Variants in ZFYVE1 observed in about 807,000 individuals in gnomAD.
ZFYVE1 encodes the protein zinc finger FYVE domain-containing protein 1.
ZFYVE1 carries 30 observed loss-of-function variants against 74.4 expected under a neutral mutation model. The ratio of observed to expected loss-of-function variants is 0.40; its 90% CI spans 0.30 to 0.55. The LOEUF is 0.55. ZFYVE1 is among the 20% of genes least tolerant of loss of function. ZFYVE1 has a pLI of 0.42. For synonymous variants in ZFYVE1, 335 were observed against 385.1 expected, an observed-to-expected ratio of 0.87 and a Z score of 1.52; for missense variants, 703 against 1,011.6, an observed-to-expected ratio of 0.69 and a Z score of 4.14.
At chr14:73,022,397 T>A (rs1894336314) in intron 2 of ZFYVE1, among the ~76,000 whole-genome samples, 1 of 152,086 alleles carries the variant, frequency 6.6e-6, no homozygotes, top group Admixed American at 6.6e-5. Flanking sequence ...ACATAGGTAC[T>A]CCCCTCCAAA....
chr14:72,969,798 G>A lies in ZFYVE1; in HGVS notation c.*1084C>T, dbSNP rs986203784. On this transcript the variant is annotated 3_prime_UTR_variant, in exon 12 of 12. Coordinates refer to ENST00000556143, the MANE Select transcript of ZFYVE1 (RefSeq NM_021260.4). ...AAAGTTCCTTTGACTTCTCTTGCAA[G>A]GACCAAAGAGATAAATTTTTTCTTT... 6 of 682,698 alleles carry A rather than the reference G, an allele frequency of 8.8e-6. No individual in the cohort carries two copies. The highest frequency in any genetic ancestry group is 1.6e-5 in the Non-Finnish European group (6 of 380,164). 42.3% of individuals were successfully genotyped at this position (682,698 alleles called of 1,614,324 possible).
At chr14:72,994,784 G>C (rs903656442) in intron 3 of ZFYVE1, among the ~76,000 whole-genome samples, 1 of 152,086 alleles carries the variant, frequency 6.6e-6, no homozygotes, top group Non-Finnish European at 1.5e-5. Context: ...CATACTGTAA[G>C]TACCTGTCCT....
chr14:73,023,668 A>T (rs1894393401), intron 2 of ZFYVE1, among the ~76,000 whole-genome samples: 1 of 151,734 alleles, frequency 6.6e-6, no homozygotes. Flanking sequence ...AAATGTTTTA[A>T]ATCAGTTTGT....
In ZFYVE1 at chr14:73,024,038, A is replaced by G. The variant is rs377605305; in HGVS notation, c.471T>C (p.Asn157=). The G allele has an allele frequency of 6.2e-7, 1 of 1,613,708 alleles. No individual in the cohort carries two copies. Among genetic ancestry groups the G allele is most frequent in the Non-Finnish European group, 8.5e-7 (1 of 1,179,886 alleles). Residue 157 remains asparagine, a synonymous_variant, in exon 2 of 12, where the codon AAT becomes AAC. Coordinates refer to ENST00000556143, the MANE Select transcript of ZFYVE1 (RefSeq NM_021260.4). ...KVVSFLLVDE[N]EEIQVTNEED... is the part of the protein sequence containing the mutation. ...CCCGTGTGCTTACCTGAATTTCTTC[A>G]TTTTCGTCTACTAGGAGGAAACTCA... is the stretch of plus-strand genomic sequence containing the variant.
chr14:72,978,040 C>A lies in ZFYVE1; in HGVS notation c.1522G>T (p.Val508Leu). ...GLAKYAWSGYVIECPNCGVVY... is the reference protein window; with the variant it reads ...GLAKYAWSGYLIECPNCGVVY... ...ACGCCACAGTTAGGACATTCGATCA[C>A]ATACCTACAAGGAAAGCAAATCAAT... is the stretch of plus-strand genomic sequence containing the variant. The change falls in exon 8 of 12, where the codon GTG (valine) becomes TTG (leucine). Residue 508 changes from valine to leucine, a missense_variant. Physicochemically the swap from Val to Leu is conservative, Grantham distance 32. Transcript: ENST00000556143. 6.2e-7 allele frequency: 1 copy of A among 1,614,204 alleles called. No individual in the cohort carries two copies. Among genetic ancestry groups the A allele is most frequent in the Non-Finnish European group, 8.5e-7 (1 of 1,180,042 alleles).
chr14:73,021,847 TTCTTTATATGC>T (rs1894326251), intron 2 of ZFYVE1, among the ~76,000 whole-genome samples: 3 of 152,320 alleles, frequency 2.0e-5, no homozygotes, highest in Admixed American at 6.5e-5. Context: ...TTCATTACAC[TTCTTTATATGC>T]TCTTAATTCT....
At chr14:72,980,846 G>A (rs1486901236) in intron 5 of ZFYVE1, among the ~76,000 whole-genome samples, 3 of 152,242 alleles carry the variant, frequency 2.0e-5, no homozygotes, top group East Asian at 1.9e-4. Flanking sequence ...GTAAGCCACC[G>A]TGCCCGGCCG....
At chr14:73,019,985 A>C (rs1316430776) in intron 2 of ZFYVE1, among the ~76,000 whole-genome samples, 1 of 151,980 alleles carries the variant, frequency 6.6e-6, no homozygotes. Context: ...TGTCGGGCGC[A>C]GTGGCTCACA....
chr14:72,985,324 TTTTG>T (rs149436812), intron 4 of ZFYVE1, among the ~76,000 whole-genome samples: 38,439 of 151,068 alleles, frequency 0.25, 5,665 homozygotes, highest in African/African-American at 0.41. Context: ...CCCCAATAAT[TTTTG>T]TTTGTTTGTT....
In ZFYVE1 at chr14:72,975,423, T is replaced by C; in HGVS notation, c.1806+128A>G. 8.1e-7 allele frequency: 1 copy of C among 1,230,438 alleles called. No homozygotes were observed. Among genetic ancestry groups the C allele is most frequent in the South Asian group, 1.5e-5 (1 of 65,160 alleles). The allele number at this position is 1,230,438 out of a possible 1,614,324, so 76.2% of individuals were successfully genotyped here. Reference sequence around the variant, plus strand: ...CAACGACTCCTCCCCTTGCCGGTACTCACAGAGCTCACTGCACTGGCAGAA... The same window carrying C: ...CAACGACTCCTCCCCTTGCCGGTACCCACAGAGCTCACTGCACTGGCAGAA... On this transcript the variant is annotated intron_variant, in intron 9 of 11. Coordinates refer to ENST00000556143, the MANE Select transcript of ZFYVE1 (RefSeq NM_021260.4). This position sits in a 1 kb window ranked among gnomAD's most constrained non-coding sequence, Gnocchi z 4.1.
At chr14:72,989,032 GC>G (rs1893550549) in intron 4 of ZFYVE1, among the ~76,000 whole-genome samples, 1 of 147,128 alleles carries the variant, frequency 6.8e-6, no homozygotes, top group Non-Finnish European at 1.5e-5. Flanking sequence ...AGGGGTTCAA[GC>G]CATTCTGCCT....
chr14:72,995,019 G>C (rs952125060), intron 3 of ZFYVE1, among the ~76,000 whole-genome samples: 2 of 152,166 alleles, frequency 1.3e-5, no homozygotes, highest in African/African-American at 4.8e-5. Flanking sequence ...TTCAATAAAT[G>C]TATCGGTGAT....
At position 73,024,466 on chromosome 14, in the gene ZFYVE1, C is replaced by T; in HGVS notation, c.43G>A (p.Gly15Arg). The T allele has an allele frequency of 6.2e-7, 1 of 1,613,198 alleles. No individual in the cohort carries two copies. The highest frequency in any genetic ancestry group is 8.5e-7 in the Non-Finnish European group (1 of 1,179,468). Residue 15 changes from glycine (G) to arginine (R), a missense_variant, in exon 2 of 12, where the codon GGG becomes AGG. Gly to Arg is a moderately radical substitution (Grantham distance 125). This residue lies in a region of ZFYVE1 where 211 missense variants were observed against 221.7 expected (regional missense o/e 0.95). Coordinates refer to ENST00000556143, the MANE Select transcript of ZFYVE1 (RefSeq NM_021260.4). ...TSPAEKGLNP[G>R]LMCQESYACS... The stretch of plus-strand genomic sequence containing the variant: ...GCGTAACTTTCCTGGCACATCAGCC[C>T]CGGATTCAGGCCCTTCTCTGCTGGG...
In ZFYVE1 at chr14:72,998,145, A is replaced by G; in HGVS notation, c.654T>C (p.Thr218=). ...FKTSPTQESC[T]VGVWAAYDPV... is the part of the protein sequence containing the mutation. ...GGTCATAGGCTGCCCACACTCCCAC[A>G]GTGCAGGACTCCTGGGTCGGGGAGG... The change falls in exon 3 of 12, where the codon ACT becomes ACC. Residue 218 remains threonine, a synonymous_variant. Coordinates refer to ENST00000556143, the MANE Select transcript of ZFYVE1 (RefSeq NM_021260.4). The G allele has an allele frequency of 6.2e-7, 1 of 1,614,040 alleles. No individual in the cohort carries two copies. The highest frequency in any genetic ancestry group is 8.5e-7 in the Non-Finnish European group (1 of 1,179,982).
At chr14:73,016,062 A>C (rs1329691442) in intron 2 of ZFYVE1, among the ~76,000 whole-genome samples, 1 of 152,250 alleles carries the variant, frequency 6.6e-6, no homozygotes, top group Admixed American at 6.5e-5. Context: ...AAGACCCAAG[A>C]GATGGGAAAA....
At position 72,978,812 on chromosome 14, in the gene ZFYVE1, G is replaced by A. The variant is rs371098503; in HGVS notation, c.1419+49C>T. On this transcript the variant is annotated intron_variant, in intron 6 of 11. Transcript: ENST00000556143. ...CCAAGATAGTCTTGCCAAAGAGAGA[G>A]TGGTCAGCAAGCCCGCTGCTGACAC... 18 of 1,497,014 alleles carry A rather than the reference G, an allele frequency of 1.2e-5. No homozygotes were observed. In the African/African-American group the frequency reaches 2.5e-4, roughly 21 times the overall value. The allele number at this position is 1,497,014 out of a possible 1,614,324, so 92.7% of individuals were successfully genotyped here.
rs1256937317 is a variant in ZFYVE1 at position 72,969,457 on chromosome 14, A to G, written c.*1425T>C. 1.5e-5 allele frequency: 7 copies of G among 456,258 alleles called. No homozygotes were observed. Among genetic ancestry groups the G allele is most frequent in the African/African-American group, 1.4e-4 (7 of 50,304 alleles). 28.3% of individuals were successfully genotyped at this position (456,258 alleles called of 1,614,324 possible). A position where few individuals can be genotyped will look rare whatever the true frequency, so the allele number is the denominator to read the frequency against. On this transcript the variant is annotated 3_prime_UTR_variant, in exon 12 of 12. Coordinates refer to ENST00000556143, the MANE Select transcript of ZFYVE1 (RefSeq NM_021260.4). ...AGAGCCAGCACAGTCGAGATGCAGG[A>G]AGATTCCTTTATGATGGCGAATTGG...
At chr14:72,989,519 T>C (rs1035569143) in intron 4 of ZFYVE1, among the ~76,000 whole-genome samples, 4 of 152,200 alleles carry the variant, frequency 2.6e-5, no homozygotes, top group Admixed American at 6.5e-5. Flanking sequence ...TTGAATTGTT[T>C]ATCATGAATA....
At chr14:72,981,670 G>A (rs1415323739) in intron 5 of ZFYVE1, 119 bp downstream of exon 5, 3 of 937,740 alleles carry the variant, frequency 3.2e-6, no homozygotes, top group East Asian at 2.4e-5. Flanking sequence ...ATTTAAATCA[G>A]AACCTGTAAT....
Sources: gnomAD v4.1 joint callset for allele counts (sites outside exome capture counted in the v4.1 genomes callset) on GRCh38, gnomAD v4.1.1 for gene constraint, gnomAD v4.1.1 regional missense constraint, Gnocchi (gnomAD v3.1) non-coding constraint, MANE v1.5 for transcripts, NCBI Gene and HGNC (gene_info 2026-07-23, HGNC 2026-07-21) for gene names.